PTPRE: variants seen among roughly 807,000 people sequenced by gnomAD.
PTPRE encodes the protein protein tyrosine phosphatase receptor type E.
A neutral mutation model predicts 102.0 loss-of-function variants in PTPRE; 51 were observed. That is an observed-to-expected ratio of 0.50 (90% confidence interval 0.40 to 0.63). The LOEUF is 0.63. Among genes scored for constraint, PTPRE ranks in the 30% least tolerant of loss-of-function variants. PTPRE has a pLI of 0.00. For missense variants in PTPRE, 752 were observed against 915.1 expected (o/e 0.82, Z 2.30); for synonymous variants, 345 against 348.2 (o/e 0.99, Z 0.10).
At chr10:128,001,008 G>A (rs1853825992) in intron 2 of PTPRE, among the ~76,000 whole-genome samples, 1 of 152,202 alleles carries the variant, frequency 6.6e-6, no homozygotes, top group Non-Finnish European at 1.5e-5. Flanking sequence ...GTACCATCAT[G>A]AGTGGCTACA....
At chr10:128,034,579 C>T (rs1167579005) in intron 2 of PTPRE, among the ~76,000 whole-genome samples, 1 of 152,098 alleles carries the variant, frequency 6.6e-6, no homozygotes, top group Non-Finnish European at 1.5e-5. Flanking sequence ...TCCCTGTAGT[C>T]CCAGCTACTT....
intron 1 of PTPRE, among the ~76,000 whole-genome samples, chr10:127,947,302 G>C (rs3929753): frequency 0.52 from 78,610 of 152,070 alleles, 22,770 homozygotes; most frequent in African/African-American, 0.79. Context: ...TCAGAGGTAT[G>C]TTTATCTAAA....
chr10:127,988,597 A>G (rs1852327910), intron 2 of PTPRE, among the ~76,000 whole-genome samples: 1 of 151,894 alleles, frequency 6.6e-6, no homozygotes, highest in African/African-American at 2.4e-5. Context: ...GAGCCACCCT[A>G]CCTGGCCTGC....
chr10:127,972,291 A>G (rs565896396), intron 1 of PTPRE, among the ~76,000 whole-genome samples: 80 of 152,342 alleles, frequency 5.3e-4, no homozygotes, highest in African/African-American at 1.9e-3. Context: ...TGTTGAGGAC[A>G]TTATTGCCCA....
chr10:127,956,947 T>G (rs1319598084), intron 1 of PTPRE, among the ~76,000 whole-genome samples: 3 of 151,932 alleles, frequency 2.0e-5, no homozygotes, highest in African/African-American at 2.4e-5. Context: ...GTTTTAAGAG[T>G]TTTTTTTGTA....
chr10:128,024,558 G>T (rs1846158180), intron 2 of PTPRE, among the ~76,000 whole-genome samples: 1 of 152,160 alleles, frequency 6.6e-6, no homozygotes, highest in Non-Finnish European at 1.5e-5. Flanking sequence ...CAAATTAGAG[G>T]ATTAGAGTTT....
intron 19 of PTPRE, 29 bp downstream of exon 19, chr10:128,077,812 T>G (rs1851351370): frequency 6.4e-7 from 1 of 1,565,762 alleles, no homozygotes; most frequent in Non-Finnish European, 8.7e-7. Flanking sequence ...GCCCTCCAGG[T>G]GGGGTGGACA....
At chr10:128,061,307 A>G (rs1219279452) in intron 8 of PTPRE, among the ~76,000 whole-genome samples, 1 of 152,268 alleles carries the variant, frequency 6.6e-6, no homozygotes, top group Non-Finnish European at 1.5e-5. Flanking sequence ...AACCATGTGC[A>G]GTGGACTATT....
intron 1 of PTPRE, among the ~76,000 whole-genome samples, chr10:127,939,559 GA>G (rs796176203): frequency 1.3e-5 from 2 of 150,760 alleles, no homozygotes; most frequent in East Asian, 1.9e-4. Context: ...GATACATGGA[GA>G]AAAAAAAACA....
chr10:128,068,087 G>A, intron 11 of PTPRE, 36 bp from the exon 12 acceptor site: 1 of 1,590,522 alleles, frequency 6.3e-7, no homozygotes, highest in Non-Finnish European at 8.6e-7. Flanking sequence ...GGGGAGGATT[G>A]TTTCACCCAC....
chr10:127,925,322 G>A (rs551137265), intron 1 of PTPRE, among the ~76,000 whole-genome samples: 1 of 152,312 alleles, frequency 6.6e-6, no homozygotes, highest in Admixed American at 6.5e-5. Context: ...CATCCTATTT[G>A]TCACCTGATT....
intron 17 of PTPRE, 125 bp downstream of exon 17, chr10:128,073,596 A>G: frequency 2.5e-6 from 3 of 1,194,090 alleles, no homozygotes; most frequent in Non-Finnish European, 3.4e-6. Flanking sequence ...AGCCAGGACC[A>G]CTAGGGAAGG....
intron 1 of PTPRE, among the ~76,000 whole-genome samples, chr10:127,943,110 G>A (rs1228807613): frequency 6.6e-6 from 1 of 152,116 alleles, no homozygotes; most frequent in African/African-American, 2.4e-5. Flanking sequence ...CCTGTCTAAT[G>A]AAAACAGTAA....
intron 1 of PTPRE, among the ~76,000 whole-genome samples, chr10:127,943,187 G>A (rs1848372931): frequency 6.6e-6 from 1 of 152,208 alleles, no homozygotes; most frequent in African/African-American, 2.4e-5. Context: ...AGTAAAAAGT[G>A]CTCTTGTCGA....
chr10:127,907,394 C>A lies in PTPRE; in HGVS notation c.-31+85C>A. On this transcript the variant is annotated intron_variant, in intron 1 of 20. Coordinates refer to ENST00000254667, the MANE Select transcript of PTPRE (RefSeq NM_006504.6). The surrounding 1 kb of genome is among the most constrained non-coding windows in gnomAD (Gnocchi z 4.8). Reference sequence around the variant, plus strand: ...GCCCAAGCAGGCCGGGGCGCTGCCTCGGCCGCTGCCGCGGGAGGGAGGGGC... The same window carrying A: ...GCCCAAGCAGGCCGGGGCGCTGCCTAGGCCGCTGCCGCGGGAGGGAGGGGC... 1 of 953,636 alleles carries A rather than the reference C, an allele frequency of 1.0e-6. No individual in the cohort carries two copies. Among genetic ancestry groups the A allele is most frequent in the Non-Finnish European group, 1.2e-6 (1 of 801,762 alleles). 59.1% of individuals were successfully genotyped at this position (953,636 alleles called of 1,614,324 possible).
intron 3 of PTPRE, among the ~76,000 whole-genome samples, chr10:128,046,494 G>A (rs72847376): frequency 0.034 from 5,192 of 152,350 alleles, 140 homozygotes; most frequent in Admixed American, 0.053. Context: ...ATGGCAGAGC[G>A]AGGTTTGCGC....
At chr10:127,996,621 C>T (rs139203819) in intron 2 of PTPRE, among the ~76,000 whole-genome samples, 1,614 of 152,306 alleles carry the variant, frequency 0.011, 37 homozygotes, top group Middle Eastern at 0.051. Flanking sequence ...TCCCGGCATT[C>T]GGCTTCAGCC....
At chr10:128,035,555 A>G (rs1211000005) in intron 2 of PTPRE, among the ~76,000 whole-genome samples, 1 of 152,184 alleles carries the variant, frequency 6.6e-6, no homozygotes, top group Non-Finnish European at 1.5e-5. Flanking sequence ...ATGGCTCCCA[A>G]ATCATTGTCT....
intron 6 of PTPRE, 108 bp from the exon 7 acceptor site, chr10:128,056,011 CAGGT>C: frequency 1.3e-6 from 1 of 788,930 alleles, no homozygotes; most frequent in Non-Finnish European, 2.1e-6. Flanking sequence ...CTATGGACAG[CAGGT>C]AGTTTGCTCC....
Sources: allele counts gnomAD v4.1 joint callset (sites outside exome capture counted in the v4.1 genomes callset), GRCh38; gene constraint gnomAD v4.1.1; non-coding constraint Gnocchi (gnomAD v3.1); transcripts MANE v1.5; gene names NCBI Gene and HGNC (gene_info 2026-07-23, HGNC 2026-07-21).